TIAM1: variants seen among roughly 807,000 people sequenced by gnomAD.
The protein encoded by TIAM1 is rho guanine nucleotide exchange factor TIAM1.
A neutral mutation model predicts 163.5 loss-of-function variants in TIAM1; 65 were observed. That is an observed-to-expected ratio of 0.40 (90% CI 0.33 to 0.49). The LOEUF is 0.49. TIAM1 is among the 20% of genes least tolerant of loss of function. TIAM1 has a pLI of 0.77. For synonymous variants in TIAM1, 833 were observed against 810.1 expected (o/e 1.03, Z -0.48); for missense variants, 1,789 against 2,044.7 (o/e 0.87, Z 2.41).
chr21:31,225,982 G>A lies in TIAM1; in HGVS notation c.1585-32C>T, dbSNP rs2087942920. 2.5e-6 allele frequency: 4 copies of A among 1,596,432 alleles called. No individual in the cohort carries two copies. The South Asian group carries it at 3.3e-5, about 13-fold the overall frequency. ...CAGGAAGAAGGGGCAGGAAGAAAAAGGCACCTCTTAGGAACTTAAGAGAAA... is the reference window on the plus strand; with the variant it reads ...CAGGAAGAAGGGGCAGGAAGAAAAAAGCACCTCTTAGGAACTTAAGAGAAA... On this transcript the variant is annotated intron_variant, in intron 6 of 27. Coordinates refer to ENST00000541036, the MANE Select transcript of TIAM1 (RefSeq NM_001353694.2).
At chr21:31,318,932 C>T (rs2075214652) in intron 2 of TIAM1, among the ~76,000 whole-genome samples, 1 of 152,134 alleles carries the variant, frequency 6.6e-6, no homozygotes, top group Admixed American at 6.5e-5. Context: ...AGCGCAATCA[C>T]AGCTCACTGC....
chr21:31,515,737 AATTT>A (rs1240304756), intron 1 of TIAM1, among the ~76,000 whole-genome samples: 1 of 152,158 alleles, frequency 6.6e-6, no homozygotes, highest in Non-Finnish European at 1.5e-5. Flanking sequence ...ACTCGGTCAG[AATTT>A]CCATGGAGCA....
chr21:31,468,230 C>T (rs1028952892), intron 1 of TIAM1, among the ~76,000 whole-genome samples: 1 of 152,000 alleles, frequency 6.6e-6, no homozygotes, highest in African/African-American at 2.4e-5. Context: ...AATCCCAGTA[C>T]TTTGGGAGGC....
At chr21:31,270,342 G>T (rs377237814) in intron 3 of TIAM1, among the ~76,000 whole-genome samples, 1 of 152,164 alleles carries the variant, frequency 6.6e-6, no homozygotes, top group Non-Finnish European at 1.5e-5. Context: ...AAGGAGGACA[G>T]GCTGAAATGC....
At chr21:31,169,321 A>G (rs989481505) in intron 15 of TIAM1, among the ~76,000 whole-genome samples, 4 of 121,940 alleles carry the variant, frequency 3.3e-5, no homozygotes, top group Admixed American at 2.3e-4. Flanking sequence ...ATAATACTAA[A>G]ACAGAAGAAG....
In TIAM1 at chr21:31,120,595, C is replaced by A. The variant is rs1367703067; in HGVS notation, c.4549G>T (p.Gly1517Cys). ...TGCAGGTCTCTGTCCACTGAGGCACCCTTCACGGACTCACAGAACTCATCA... is the reference window on the plus strand; with the variant it reads ...TGCAGGTCTCTGTCCACTGAGGCACACTTCACGGACTCACAGAACTCATCA... ...DDDEFCESVKGASVDRDLQER... is the reference protein window; with the variant it reads ...DDDEFCESVKCASVDRDLQER... The change falls in exon 28 of 28, where the codon GGT becomes TGT. Residue 1517 changes from glycine to cysteine, a missense_variant. By Grantham distance (159) the Gly-to-Cys change is radical. This residue lies in a region of TIAM1 where 415 missense variants were observed against 439.2 expected (regional missense o/e 0.94). Coordinates refer to ENST00000541036, the MANE Select transcript of TIAM1 (RefSeq NM_001353694.2). The surrounding 1 kb of genome is among the most constrained non-coding windows in gnomAD (Gnocchi z 4.2). 6.2e-7 allele frequency: 1 copy of A among 1,614,162 alleles called. No individual in the cohort carries two copies. Among genetic ancestry groups the A allele is most frequent in the Non-Finnish European group, 8.5e-7 (1 of 1,180,044 alleles).
At chr21:31,442,545 C>T (rs1459736114) in intron 2 of TIAM1, among the ~76,000 whole-genome samples, 1 of 152,150 alleles carries the variant, frequency 6.6e-6, no homozygotes, top group African/African-American at 2.4e-5. Context: ...GAGATTCTTG[C>T]AATCTTGCAA....
intron 2 of TIAM1, among the ~76,000 whole-genome samples, chr21:31,406,857 A>C (rs530675640): frequency 6.6e-6 from 1 of 152,286 alleles, no homozygotes; most frequent in East Asian, 1.9e-4. Context: ...GTTTCACACA[A>C]AGTTTGTGCC....
chr21:31,530,463 C>T lies in TIAM1; in HGVS notation c.-422+28464G>A, dbSNP rs753131290. ...AATGCTATTCTGTCTCCCTTCACAA[C>T]AGTGTAGCTTTTCAGTCTGGCAAAT... On this transcript the variant is annotated intron_variant, in intron 1 of 28. Transcript: ENST00000286827. Among the ~76,000 whole-genome samples the T allele has an allele frequency of 6.6e-5, 10 of 152,372 alleles. No individual in the cohort carries two copies. In the East Asian group the frequency reaches 1.9e-3, roughly 29 times the overall value.
chr21:31,303,118 AC>A (rs2074565209), intron 2 of TIAM1, among the ~76,000 whole-genome samples: 1 of 152,246 alleles, frequency 6.6e-6, no homozygotes, highest in South Asian at 2.1e-4. Flanking sequence ...GGTCACAGTA[AC>A]AAAAAAGTGG....
At chr21:31,394,583 G>A (rs534842980) in intron 2 of TIAM1, among the ~76,000 whole-genome samples, 3 of 152,228 alleles carry the variant, frequency 2.0e-5, no homozygotes, top group East Asian at 3.9e-4. Flanking sequence ...GGTGGTGGGA[G>A]AGGTGGGCCA....
intron 8 of TIAM1, among the ~76,000 whole-genome samples, chr21:31,220,745 T>C (rs897877053): frequency 6.6e-6 from 1 of 152,182 alleles, no homozygotes; most frequent in African/African-American, 2.4e-5. Flanking sequence ...CAAAGGGATT[T>C]AGAAAAAGGG....
At chr21:31,486,750 G>A (rs1463481432) in intron 1 of TIAM1, among the ~76,000 whole-genome samples, 1 of 152,210 alleles carries the variant, frequency 6.6e-6, no homozygotes, top group Non-Finnish European at 1.5e-5. Flanking sequence ...TCTTTGATGT[G>A]GGGCAGTCCC....
chr21:31,553,377 G>A (rs2048759679), intron 1 of TIAM1, among the ~76,000 whole-genome samples: 1 of 152,164 alleles, frequency 6.6e-6, no homozygotes, highest in Non-Finnish European at 1.5e-5. Context: ...TGCACATTCT[G>A]CAAGAAGGAA....
intron 1 of TIAM1, among the ~76,000 whole-genome samples, chr21:31,484,712 G>A (rs2284530): frequency 0.18 from 28,138 of 152,124 alleles, 2,685 homozygotes; most frequent in South Asian, 0.25. Context: ...CTAGGACCGT[G>A]ACCCCAGCCA....
chr21:31,156,634 T>A (rs1478700724), intron 16 of TIAM1, among the ~76,000 whole-genome samples: 1 of 152,136 alleles, frequency 6.6e-6, no homozygotes, highest in Non-Finnish European at 1.5e-5. Flanking sequence ...AACAAATACA[T>A]CCATTTTAGC....
chr21:31,239,719 A>C (rs973263969), intron 6 of TIAM1, among the ~76,000 whole-genome samples: 2 of 152,196 alleles, frequency 1.3e-5, no homozygotes, highest in Non-Finnish European at 2.9e-5. Flanking sequence ...AAAAATGGAC[A>C]AGAGAGTAAA....
At chr21:31,159,609 T>C (rs976967707) in intron 16 of TIAM1, among the ~76,000 whole-genome samples, 1 of 152,238 alleles carries the variant, frequency 6.6e-6, no homozygotes, top group Non-Finnish European at 1.5e-5. Context: ...TGGTAATCCC[T>C]ACAGTTCTCG....
chr21:31,362,185 T>C (rs1366348163), intron 2 of TIAM1, among the ~76,000 whole-genome samples: 1 of 152,002 alleles, frequency 6.6e-6, no homozygotes, highest in Non-Finnish European at 1.5e-5. Flanking sequence ...AGATATACTC[T>C]TTACTGTGAC....
Sources: gnomAD v4.1 joint callset for allele counts (sites outside exome capture counted in the v4.1 genomes callset) on GRCh38, gnomAD v4.1.1 for gene constraint, gnomAD v4.1.1 regional missense constraint, Gnocchi (gnomAD v3.1) non-coding constraint, MANE v1.5 for transcripts, NCBI Gene and HGNC (gene_info 2026-07-23, HGNC 2026-07-21) for gene names.